The following TRAPPC9 variants were observed in gnomAD, a reference collection of about 807,000 sequenced individuals.
The protein encoded by TRAPPC9 is trafficking protein particle complex subunit 9.
A neutral mutation model predicts 124.0 loss-of-function variants in TRAPPC9; 83 were observed. The observed-to-expected ratio is 0.67, with a 90% CI of 0.56 to 0.80. The LOEUF is 0.80. Ranked by LOEUF, TRAPPC9 falls within the 30% of genes least tolerant of loss-of-function variation. The pLI, the probability that TRAPPC9 is intolerant of heterozygous loss-of-function variation, is 0.00. For synonymous variants in TRAPPC9, 638 were observed against 617.5 expected (o/e 1.03, Z -0.49); for missense variants, 1,302 against 1,508.3 (o/e 0.86, Z 2.27).
intron 18 of TRAPPC9, among the ~76,000 whole-genome samples, chr8:140,007,925 G>A (rs895909723): frequency 1.3e-5 from 2 of 152,174 alleles, no homozygotes; most frequent in Admixed American, 6.5e-5. Flanking sequence ...ACAGAATACT[G>A]TGAGATCATT....
intron 19 of TRAPPC9, among the ~76,000 whole-genome samples, chr8:139,968,446 G>C (rs1002878622): frequency 6.6e-6 from 1 of 152,132 alleles, no homozygotes; most frequent in Non-Finnish European, 1.5e-5. Context: ...AATATGGTGG[G>C]GACAAGGCCA....
At chr8:139,830,952 TGGCCGCGCTGAC>T (rs773409160) in intron 21 of TRAPPC9, among the ~76,000 whole-genome samples, 5 of 152,258 alleles carry the variant, frequency 3.3e-5, no homozygotes, top group Non-Finnish European at 7.3e-5. Context: ...GCTCCATCGC[TGGCCGCGCTGAC>T]TGACATTTAC....
intron 21 of TRAPPC9, among the ~76,000 whole-genome samples, chr8:139,870,988 C>A (rs1318408276): frequency 1.3e-5 from 2 of 152,154 alleles, no homozygotes; most frequent in Non-Finnish European, 2.9e-5. Context: ...CGTCTCTCTT[C>A]GCTCCCACAC....
At chr8:140,024,652 C>T (rs2131927861) in intron 17 of TRAPPC9, among the ~76,000 whole-genome samples, 1 of 152,298 alleles carries the variant, frequency 6.6e-6, no homozygotes, top group African/African-American at 2.4e-5. Flanking sequence ...CCGCCTCGGC[C>T]TCCCAAGGTG....
intron 21 of TRAPPC9, among the ~76,000 whole-genome samples, chr8:139,878,381 T>C (rs1829465517): frequency 6.6e-6 from 1 of 152,178 alleles, no homozygotes; most frequent in Admixed American, 6.5e-5. Flanking sequence ...GGAAAGGCTG[T>C]TTTTTTATCT....
intron 15 of TRAPPC9, among the ~76,000 whole-genome samples, chr8:140,258,398 T>C (rs1563889336): frequency 6.6e-6 from 1 of 152,240 alleles, no homozygotes; most frequent in African/African-American, 2.4e-5. Context: ...CTATAGAACA[T>C]AAAGATTTTA....
In TRAPPC9 at chr8:139,939,455, T is replaced by G. The variant is rs561174598; in HGVS notation, c.2811-29155A>C. ...GGTGGTCCAGCACGCCGCATGGGGCTAAAAGGACAGAGCCTCCCCAACCGA... is the reference window on the plus strand; with the variant it reads ...GGTGGTCCAGCACGCCGCATGGGGCGAAAAGGACAGAGCCTCCCCAACCGA... On this transcript the variant is annotated intron_variant, in intron 19 of 22. Coordinates refer to ENST00000438773, the MANE Select transcript of TRAPPC9 (RefSeq NM_001160372.4). Among the ~76,000 whole-genome samples, 56 of 152,256 alleles carry G rather than the reference T, an allele frequency of 3.7e-4. 1 individual carries two copies. The highest frequency in any genetic ancestry group is 1.0e-4 in the Non-Finnish European group (7 of 68,016).
At chr8:140,174,965 G>A (rs1279333884) in intron 17 of TRAPPC9, among the ~76,000 whole-genome samples, 1 of 149,086 alleles carries the variant, frequency 6.7e-6, no homozygotes, top group Non-Finnish European at 1.5e-5. Context: ...TATGTTTTTT[G>A]TGGAACTACC....
chr8:140,128,935 G>A (rs542201524), intron 17 of TRAPPC9, among the ~76,000 whole-genome samples: 20 of 149,520 alleles, frequency 1.3e-4, no homozygotes, highest in Non-Finnish European at 3.0e-4. Context: ...AAACCTGCAC[G>A]TTGTGCACAT....
rs1455850778 is a variant in TRAPPC9, at chr8:139,825,344, G to A, written c.3055+60535C>T. On this transcript the variant is annotated intron_variant, in intron 21 of 22. Transcript: ENST00000438773. The surrounding 1 kb of genome is among the most constrained non-coding windows in gnomAD (Gnocchi z 4.6). ...GGAGGAGAGGAGAAGCACAGGTCCT[G>A]GTGCAGGCGGCACTGGCATCCTGTG... Among the ~76,000 whole-genome samples the A allele has an allele frequency of 2.0e-5, 3 of 152,202 alleles. No homozygotes were observed. Among genetic ancestry groups the A allele is most frequent in the South Asian group, 2.1e-4 (1 of 4,822 alleles).
At chr8:139,833,298 T>C (rs1475086511) in intron 21 of TRAPPC9, among the ~76,000 whole-genome samples, 1 of 152,216 alleles carries the variant, frequency 6.6e-6, no homozygotes, top group Non-Finnish European at 1.5e-5. Context: ...TTCCCCTTCC[T>C]TAGCTTTAAG....
intron 17 of TRAPPC9, among the ~76,000 whole-genome samples, chr8:140,177,352 C>CA (rs2130985575): frequency 6.6e-6 from 1 of 152,192 alleles, no homozygotes. Context: ...TAATTTTTGG[C>CA]ATATAAATAA....
At chr8:140,088,681 C>T (rs1001660731) in intron 17 of TRAPPC9, among the ~76,000 whole-genome samples, 3 of 152,188 alleles carry the variant, frequency 2.0e-5, no homozygotes, top group Non-Finnish European at 4.4e-5. Flanking sequence ...TACGCTACTT[C>T]CTCAGGTTTT....
chr8:140,193,921 C>T (rs2062565629), intron 17 of TRAPPC9, among the ~76,000 whole-genome samples: 1 of 152,246 alleles, frequency 6.6e-6, no homozygotes, highest in African/African-American at 2.4e-5. Flanking sequence ...GAAGCTAACA[C>T]ATTTTGTCAT....
chr8:139,756,217 G>A (rs1387395918), intron 21 of TRAPPC9, among the ~76,000 whole-genome samples: 1 of 120,970 alleles, frequency 8.3e-6, no homozygotes, highest in East Asian at 2.6e-4. Flanking sequence ...AGGACAGCAG[G>A]TCACAGGAGG....
chr8:140,039,169 C>G (rs1381041736), intron 17 of TRAPPC9, among the ~76,000 whole-genome samples: 1 of 152,362 alleles, frequency 6.6e-6, no homozygotes, highest in Admixed American at 6.5e-5. Context: ...GAAGCACCAT[C>G]AAATCCACTT....
At chr8:140,385,240 T>C (rs957885812) in intron 7 of TRAPPC9, among the ~76,000 whole-genome samples, 1 of 152,146 alleles carries the variant, frequency 6.6e-6, no homozygotes, top group Non-Finnish European at 1.5e-5. Context: ...ATTGACACCC[T>C]AACATCGTAA....
intron 9 of TRAPPC9, 33 bp downstream of exon 9, chr8:140,360,017 T>A: frequency 1.2e-6 from 2 of 1,613,364 alleles, no homozygotes; most frequent in Non-Finnish European, 1.7e-6. Flanking sequence ...CACAGTTCCT[T>A]GAAAAAAAAC....
chr8:140,135,660 G>T (rs568805515), intron 17 of TRAPPC9, among the ~76,000 whole-genome samples: 1 of 152,302 alleles, frequency 6.6e-6, no homozygotes, highest in African/African-American at 2.4e-5. Context: ...TTATTGCTTC[G>T]TGGATACAGA....
Sources: allele counts gnomAD v4.1 joint callset (sites outside exome capture counted in the v4.1 genomes callset), GRCh38; gene constraint gnomAD v4.1.1; non-coding constraint Gnocchi (gnomAD v3.1); transcripts MANE v1.5; gene names NCBI Gene and HGNC (gene_info 2026-07-23, HGNC 2026-07-21).